The following SLCO1B1 variants were observed in gnomAD, a reference collection of about 807,000 sequenced individuals.
SLCO1B1 encodes the protein OATP-2.
SLCO1B1 carries 81 observed loss-of-function variants against 70.1 expected under a neutral mutation model. That is an observed-to-expected ratio of 1.16 (90% CI 0.97 to 1.39). The LOEUF (loss-of-function observed/expected upper bound fraction) is 1.39, where lower values mean the gene tolerates loss of function less well. Among genes scored for constraint, SLCO1B1 ranks in the 40% most tolerant of loss-of-function variants. The pLI is 0.00. For synonymous variants in SLCO1B1, 283 were observed against 271.5 expected (o/e 1.04, Z -0.42); for missense variants, 895 against 799.6 (o/e 1.12, Z -1.44).
intron 12 of SLCO1B1, among the ~76,000 whole-genome samples, chr12:21,221,882 G>T (rs1215008172): frequency 3.3e-5 from 5 of 152,030 alleles, no homozygotes; most frequent in Admixed American, 3.3e-4. Context: ...AGTACCATTT[G>T]ACCCAGCAAT....
chr12:21,178,521 G>A (rs1034930420), intron 5 of SLCO1B1, 55 bp from the exon 6 acceptor site: 1 of 1,276,452 alleles, frequency 7.8e-7, no homozygotes, highest in African/African-American at 1.5e-5. Flanking sequence ...AGTTAAATTT[G>A]TAATAGAAAT....
chr12:21,239,305 A>G lies in SLCO1B1; in HGVS notation c.*116A>G, dbSNP rs1180681099. 3.7e-5 allele frequency: 29 copies of G among 792,754 alleles called. No individual in the cohort carries two copies. Among genetic ancestry groups the G allele is most frequent in the Non-Finnish European group, 6.5e-5 (29 of 445,476 alleles). The allele number at this position is 792,754 out of a possible 1,614,324, so 49.1% of individuals were successfully genotyped here. On this transcript the variant is annotated 3_prime_UTR_variant, in exon 15 of 15. Coordinates refer to ENST00000256958, the MANE Select transcript of SLCO1B1 (RefSeq NM_006446.5). ...TTCACTAAGAATTTCCACATCTTTTATGGTGGAAGTATAAATAAGCCTATG... is the reference window on the plus strand; with the variant it reads ...TTCACTAAGAATTTCCACATCTTTTGTGGTGGAAGTATAAATAAGCCTATG...
chr12:21,212,920 G>T, intron 11 of SLCO1B1, among the ~76,000 whole-genome samples: 1 of 152,022 alleles, frequency 6.6e-6, no homozygotes, highest in East Asian at 1.9e-4. Context: ...TTGCTTGGTA[G>T]ATCTTCCTCC....
At position 21,196,939 on chromosome 12, in the gene SLCO1B1, A is replaced by G; in HGVS notation, c.728-7A>G. ...TTTTGACTGGCTTCTATAATTATTT[A>G]TTCTAGGCACTATCAGGATAACTCC... On this transcript the variant is annotated splice_region_variant and splice_polypyrimidine_tract_variant and intron_variant, in intron 7 of 14. Transcript: ENST00000256958. The G allele has an allele frequency of 6.2e-7, 1 of 1,613,104 alleles. No individual in the cohort carries two copies. The highest frequency in any genetic ancestry group is 8.5e-7 in the Non-Finnish European group (1 of 1,179,272).
intron 8 of SLCO1B1, among the ~76,000 whole-genome samples, chr12:21,199,909 C>G (rs932051787): frequency 6.6e-6 from 1 of 152,002 alleles, no homozygotes; most frequent in Admixed American, 6.6e-5. Context: ...TCAAGCAATT[C>G]TCCTGCCTCA....
At chr12:21,197,250 G>A (rs1231353993) in intron 8 of SLCO1B1, 62 bp downstream of exon 8, 17 of 1,582,086 alleles carry the variant, frequency 1.1e-5, no homozygotes, top group Middle Eastern at 1.8e-4. Flanking sequence ...GGAAGAATGA[G>A]TATTCCAAAA....
intron 11 of SLCO1B1, among the ~76,000 whole-genome samples, chr12:21,207,219 G>T (rs750189693): frequency 2.6e-5 from 4 of 151,904 alleles, no homozygotes; most frequent in Non-Finnish European, 4.4e-5. Context: ...AAAGTTTAGG[G>T]TACAATCATT....
chr12:21,161,802 G>A (rs11045806), intron 2 of SLCO1B1, among the ~76,000 whole-genome samples: 19,926 of 152,080 alleles, frequency 0.13, 1,823 homozygotes, highest in Middle Eastern at 0.24. Flanking sequence ...GAGGTCGGGG[G>A]TTTGAGATCA....
At chr12:21,228,224 C>A (rs1364607626) in intron 14 of SLCO1B1, among the ~76,000 whole-genome samples, 1 of 152,030 alleles carries the variant, frequency 6.6e-6, no homozygotes, top group Non-Finnish European at 1.5e-5. Flanking sequence ...TTAAAAATGT[C>A]TTTCAGTGAG....
intron 2 of SLCO1B1, among the ~76,000 whole-genome samples, chr12:21,153,190 T>C (rs968090929): frequency 1.3e-5 from 2 of 152,254 alleles, no homozygotes; most frequent in Admixed American, 6.5e-5. Context: ...TGGTTCAGTG[T>C]TTTTCTTGTT....
chr12:21,158,567 G>A (rs2121073117), intron 2 of SLCO1B1, among the ~76,000 whole-genome samples: 1 of 152,098 alleles, frequency 6.6e-6, no homozygotes, highest in African/African-American at 2.4e-5. Context: ...GGTGGTGCCT[G>A]CCTTTAGTCC....
chr12:21,184,050 G>GA (rs71043253), intron 7 of SLCO1B1, among the ~76,000 whole-genome samples: 18,535 of 149,416 alleles, frequency 0.12, 1,491 homozygotes, highest in Non-Finnish European at 0.18. Flanking sequence ...AAGAAAGAAA[G>GA]AAAAAAAAAC....
Position 21,239,485 on chromosome 12 carries a change from G to T in SLCO1B1, c.*296G>T. 6.6e-6 allele frequency among the ~76,000 whole-genome samples: 1 copy of T among 152,104 alleles called. No individual in the cohort carries two copies. Among genetic ancestry groups the T allele is most frequent in the East Asian group, 1.9e-4 (1 of 5,190 alleles). On this transcript the variant is annotated 3_prime_UTR_variant, in exon 15 of 15. Transcript: ENST00000256958. ...TAATAAAAGAAAAAATACTTGTTCA[G>T]GTAATTCTAATTCTTAATAAAACAA...
At chr12:21,189,709 A>G (rs1374830011) in intron 7 of SLCO1B1, among the ~76,000 whole-genome samples, 1 of 152,164 alleles carries the variant, frequency 6.6e-6, no homozygotes, top group Non-Finnish European at 1.5e-5. Context: ...TGGCCTCCCA[A>G]AGTGCTGGGA....
intron 12 of SLCO1B1, among the ~76,000 whole-genome samples, chr12:21,219,335 G>A (rs1941395878): frequency 1.3e-5 from 2 of 152,152 alleles, no homozygotes; most frequent in South Asian, 4.1e-4. Context: ...AGACATAGGA[G>A]GAACAATCCA....
chr12:21,208,124 G>T (rs1249559207), intron 11 of SLCO1B1, among the ~76,000 whole-genome samples: 1 of 151,588 alleles, frequency 6.6e-6, no homozygotes, highest in African/African-American at 2.4e-5. Flanking sequence ...TTTTTGTTGT[G>T]CAGAAGCTCA....
chr12:21,165,678 A>G (rs1361158497), intron 2 of SLCO1B1, among the ~76,000 whole-genome samples: 2 of 152,130 alleles, frequency 1.3e-5, no homozygotes, highest in African/African-American at 4.8e-5. Flanking sequence ...TTGCTCTTAT[A>G]ATGTGAGTAG....
intron 9 of SLCO1B1, among the ~76,000 whole-genome samples, chr12:21,201,521 T>C (rs184236854): frequency 6.6e-6 from 1 of 152,248 alleles, no homozygotes; most frequent in East Asian, 1.9e-4. Flanking sequence ...ATCCTGTATG[T>C]AGAGCGATTT....
intron 2 of SLCO1B1, among the ~76,000 whole-genome samples, chr12:21,163,585 T>C (rs952111337): frequency 2.0e-5 from 3 of 152,206 alleles, no homozygotes; most frequent in African/African-American, 7.2e-5. Context: ...CAAACATTTA[T>C]TTCTCACAGT....
Sources: gnomAD v4.1 joint callset for allele counts (sites outside exome capture counted in the v4.1 genomes callset) on GRCh38, gnomAD v4.1.1 for gene constraint, MANE v1.5 for transcripts, NCBI Gene and HGNC (gene_info 2026-07-23, HGNC 2026-07-21) for gene names.